The following MORN5 variants were observed in gnomAD, a reference collection of about 807,000 sequenced individuals.
MORN5 encodes MORN repeat-containing protein 5.
A neutral mutation model predicts 22.1 loss-of-function variants in MORN5; 21 were observed. The ratio of observed to expected loss-of-function variants is 0.95; its 90% CI spans 0.67 to 1.37. The LOEUF (loss-of-function observed/expected upper bound fraction) is 1.37. Among genes scored for constraint, MORN5 ranks in the 40% most tolerant of loss-of-function variants. The pLI, the probability that MORN5 is intolerant of heterozygous loss-of-function variation, is 0.00. For missense variants in MORN5, 211 were observed against 215.1 expected, an observed-to-expected ratio of 0.98 and a Z score of 0.12; for synonymous variants, 73 against 74.0, an observed-to-expected ratio of 0.99 and a Z score of 0.07.
intron 2 of MORN5, 130 bp from the exon 3 acceptor site, chr9:122,169,515 T>C (rs1359314384): frequency 1.5e-6 from 1 of 657,260 alleles, no homozygotes; most frequent in East Asian, 2.6e-5. Context: ...GTCACAACCA[T>C]AATAATTGTG....
chr9:122,192,164 T>G (rs1829784181), intron 4 of MORN5, among the ~76,000 whole-genome samples: 1 of 152,256 alleles, frequency 6.6e-6, no homozygotes, highest in Non-Finnish European at 1.5e-5. Flanking sequence ...TCCAGGCTTG[T>G]TCGGCTCCAG....
At chr9:122,166,647 G>A (rs1370797593) in intron 1 of MORN5, 121 bp from the exon 2 acceptor site, 2 of 940,634 alleles carry the variant, frequency 2.1e-6, no homozygotes, top group Non-Finnish European at 3.2e-6. Context: ...TTTCAGCAGA[G>A]TACTGCTGGG....
intron 3 of MORN5, among the ~76,000 whole-genome samples, chr9:122,170,991 T>C (rs1829357731): frequency 3.3e-5 from 5 of 151,726 alleles, no homozygotes. Flanking sequence ...AATAAATAAG[T>C]AATAAAAAAA....
intron 3 of MORN5, among the ~76,000 whole-genome samples, chr9:122,172,656 A>G (rs1332179785): frequency 6.6e-6 from 1 of 152,114 alleles, no homozygotes; most frequent in East Asian, 1.9e-4. Flanking sequence ...ACCTCCTCCC[A>G]GGGCTTGGAT....
chr9:122,173,620 T>C (rs745472148), intron 3 of MORN5, among the ~76,000 whole-genome samples: 2 of 152,180 alleles, frequency 1.3e-5, no homozygotes, highest in Non-Finnish European at 2.9e-5. Context: ...CCTGAGAAGT[T>C]ATTTATTCCA....
intron 4 of MORN5, among the ~76,000 whole-genome samples, chr9:122,192,290 A>C (rs1829787881): frequency 6.6e-6 from 1 of 152,154 alleles, no homozygotes; most frequent in Non-Finnish European, 1.5e-5. Flanking sequence ...GTGCTGTGCT[A>C]ACCTTTTTTA....
At chr9:122,184,430 G>GT (rs1237351774) in intron 4 of MORN5, among the ~76,000 whole-genome samples, 1 of 152,316 alleles carries the variant, frequency 6.6e-6, no homozygotes, top group African/African-American at 2.4e-5. Flanking sequence ...TTTCTCTGGT[G>GT]TTTTTTAGAC....
intron 3 of MORN5, among the ~76,000 whole-genome samples, chr9:122,172,386 G>A (rs1829379680): frequency 6.7e-6 from 1 of 149,054 alleles, no homozygotes; most frequent in Non-Finnish European, 1.5e-5. Context: ...TCCTGCTCAT[G>A]TCCCAGCCTC....
intron 4 of MORN5, among the ~76,000 whole-genome samples, chr9:122,188,927 G>A (rs1829699904): frequency 1.3e-5 from 2 of 152,182 alleles, no homozygotes; most frequent in African/African-American, 2.4e-5. Context: ...GGACACGGTG[G>A]CTCAAATCTG....
At chr9:122,183,270 C>T (rs377404322) in intron 4 of MORN5, among the ~76,000 whole-genome samples, 15 of 152,320 alleles carry the variant, frequency 9.8e-5, no homozygotes, top group Admixed American at 3.3e-4. Context: ...CCCTCCTACA[C>T]GTCCCTGTCA....
intron 4 of MORN5, among the ~76,000 whole-genome samples, chr9:122,181,814 T>A (rs954446905): frequency 6.6e-6 from 1 of 152,180 alleles, no homozygotes; most frequent in Non-Finnish European, 1.5e-5. Flanking sequence ...GGAGAAATTA[T>A]GGTTAGAAAA....
At chr9:122,181,160 T>G (rs1829533425) in intron 4 of MORN5, among the ~76,000 whole-genome samples, 1 of 152,268 alleles carries the variant, frequency 6.6e-6, no homozygotes, top group Non-Finnish European at 1.5e-5. Flanking sequence ...CAAATCTGGT[T>G]GCAGTTTTTG....
rs890367797 is a variant in MORN5, at chr9:122,196,718, C to T, written c.440-3167C>T. Among the ~76,000 whole-genome samples the T allele has an allele frequency of 1.1e-4, 16 of 152,350 alleles. No individual in the cohort carries two copies. The South Asian group carries it at 3.1e-3, about 30-fold the overall frequency. Reference sequence around the variant, plus strand: ...GGAAATAAAAGCGGAAAGAGAAACTCTCTCATCCCACTGTGCAGGGCTATT... The same window carrying T: ...GGAAATAAAAGCGGAAAGAGAAACTTTCTCATCCCACTGTGCAGGGCTATT... On this transcript the variant is annotated intron_variant, in intron 4 of 4. Transcript: ENST00000373764.
At chr9:122,187,188 C>G (rs759215533) in intron 4 of MORN5, among the ~76,000 whole-genome samples, 7 of 152,248 alleles carry the variant, frequency 4.6e-5, no homozygotes, top group Non-Finnish European at 8.8e-5. Context: ...AGTCGTGATC[C>G]TTTTACACCC....
rs747899880 is a variant in MORN5 at position 122,174,496 on chromosome 9, G to T, written c.308G>T (p.Gly103Val). The change falls in exon 4 of 5, where the codon GGT becomes GTT. Residue 103 changes from glycine (G) to valine (V), a missense_variant and splice_region_variant. Transcript: ENST00000373764. The stretch of plus-strand genomic sequence containing the variant: ...TAATTGCCCATTATGTTCTTTCAAG[G>T]TATGGCTCAACTCACCAATATGGAC... The part of the protein sequence containing the change: ...TEILNGLKPA[G>V]MAQLTNMDPP... The T allele has an allele frequency of 4.3e-6, 7 of 1,613,686 alleles. No homozygotes were observed. The South Asian group carries it at 7.7e-5, about 18-fold the overall frequency.
intron 4 of MORN5, among the ~76,000 whole-genome samples, chr9:122,184,134 G>C (rs1330326715): frequency 6.6e-6 from 1 of 152,212 alleles, no homozygotes; most frequent in East Asian, 1.9e-4. Flanking sequence ...GGGGTAGGGA[G>C]TACTCATGTG....
intron 4 of MORN5, among the ~76,000 whole-genome samples, chr9:122,188,066 A>T (rs1829677572): frequency 6.6e-6 from 1 of 152,176 alleles, no homozygotes; most frequent in Non-Finnish European, 1.5e-5. Context: ...CTCAGACTGG[A>T]CTTTGATGAT....
intron 4 of MORN5, among the ~76,000 whole-genome samples, chr9:122,198,936 A>G (rs1430556124): frequency 2.0e-5 from 3 of 152,238 alleles, no homozygotes; most frequent in African/African-American, 2.4e-5. Context: ...ACACAAAACA[A>G]CAGCACATAT....
At chr9:122,161,199 G>T (rs947643118) in intron 1 of MORN5, among the ~76,000 whole-genome samples, 1 of 152,224 alleles carries the variant, frequency 6.6e-6, no homozygotes, top group Non-Finnish European at 1.5e-5. Flanking sequence ...CCACCTTGGG[G>T]CTCTGTATTC....
Sources: allele counts gnomAD v4.1 joint callset (sites outside exome capture counted in the v4.1 genomes callset), GRCh38; gene constraint gnomAD v4.1.1; transcripts MANE v1.5; gene names NCBI Gene and HGNC (gene_info 2026-07-23, HGNC 2026-07-21).